The following ZNF573 variants were observed in gnomAD, a reference collection of about 807,000 sequenced individuals.
ZNF573 encodes zinc finger protein 573.
In ZNF573, 41 loss-of-function variants were observed where a neutral mutation model predicts 57.4. The ratio of observed to expected loss-of-function variants is 0.71; its 90% CI spans 0.56 to 0.93. The LOEUF (loss-of-function observed/expected upper bound fraction) is 0.93. ZNF573 is among the 40% of genes least tolerant of loss of function. The pLI is 0.00. For synonymous variants in ZNF573, 249 were observed against 261.0 expected (o/e 0.95, Z 0.44); for missense variants, 730 against 794.8 (o/e 0.92, Z 0.98).
At chr19:37,757,810 A>G (rs1222589037) in intron 4 of ZNF573, among the ~76,000 whole-genome samples, 4 of 152,160 alleles carry the variant, frequency 2.6e-5, no homozygotes, top group African/African-American at 9.7e-5. Flanking sequence ...CAACAATGAT[A>G]GACTGGATTA....
At chr19:37,755,593 A>G (rs1164172658) in intron 4 of ZNF573, among the ~76,000 whole-genome samples, 1 of 152,230 alleles carries the variant, frequency 6.6e-6, no homozygotes, top group African/African-American at 2.4e-5. Context: ...AACTAAAATT[A>G]TAACTGTGTA....
intron 4 of ZNF573, 99 bp from the exon 5 acceptor site, chr19:37,740,293 T>C: frequency 1.8e-6 from 2 of 1,127,768 alleles, no homozygotes. Context: ...AATAAGTGAA[T>C]GGCATATAGA....
At chr19:37,746,155 T>G (rs1249858178) in intron 4 of ZNF573, among the ~76,000 whole-genome samples, 1 of 152,186 alleles carries the variant, frequency 6.6e-6, no homozygotes, top group African/African-American at 2.4e-5. Context: ...TTGTAGGTAA[T>G]CAATATACTG....
intron 4 of ZNF573, among the ~76,000 whole-genome samples, chr19:37,755,022 T>G (rs889882666): frequency 6.6e-6 from 1 of 152,144 alleles, no homozygotes; most frequent in Admixed American, 6.5e-5. Context: ...CAGGCTGGAG[T>G]GCAGTGGCTC....
intron 4 of ZNF573, among the ~76,000 whole-genome samples, chr19:37,755,545 ACT>A (rs1310924071): frequency 1.3e-5 from 2 of 152,162 alleles, no homozygotes; most frequent in Non-Finnish European, 2.9e-5. Context: ...AAGTAAAATA[ACT>A]CTATTTTAAT....
At chr19:37,753,477 T>C (rs556670409) in intron 4 of ZNF573, among the ~76,000 whole-genome samples, 1 of 151,664 alleles carries the variant, frequency 6.6e-6, no homozygotes, top group African/African-American at 2.4e-5. Flanking sequence ...TCACAGTAAA[T>C]TTTTTTTTAA....
intron 4 of ZNF573, among the ~76,000 whole-genome samples, chr19:37,744,757 GAA>G (rs957486847): frequency 2.7e-5 from 3 of 112,020 alleles, no homozygotes; most frequent in East Asian, 5.1e-4. Flanking sequence ...AAAAAAAAAA[GAA>G]AAAAAAAAAG....
intron 4 of ZNF573, among the ~76,000 whole-genome samples, chr19:37,747,848 G>A (rs896594220): frequency 6.6e-6 from 1 of 151,936 alleles, no homozygotes; most frequent in Admixed American, 6.6e-5. Flanking sequence ...CACCATGCCC[G>A]GCTATTTTTT....
intron 1 of ZNF573, among the ~76,000 whole-genome samples, chr19:37,776,463 C>A (rs1255368374): frequency 2.0e-5 from 3 of 152,178 alleles, no homozygotes; most frequent in South Asian, 2.1e-4. Context: ...CTTCATCTCT[C>A]ACCTTAGAGA....
At chr19:37,757,840 T>C (rs927616060) in intron 4 of ZNF573, among the ~76,000 whole-genome samples, 2 of 151,996 alleles carry the variant, frequency 1.3e-5, no homozygotes, top group Non-Finnish European at 1.5e-5. Flanking sequence ...GGCACATATA[T>C]ACCATGGAAT....
chr19:37,764,902 CTTT>C (rs34049888), intron 4 of ZNF573, among the ~76,000 whole-genome samples: 7 of 106,512 alleles, frequency 6.6e-5, no homozygotes, highest in Admixed American at 2.2e-4. Context: ...TGTGCCCGGC[CTTT>C]TTTTTTTTTT....
chr19:37,739,388 T>C lies in ZNF573; in HGVS notation c.1102A>G (p.Thr368Ala), dbSNP rs1375187685. Reference sequence around the variant, plus strand: ...TGCCGAGTAAGATTTCTATACAAAGTAAAGGTTTTCTTACACTCCTTACAT... The same window carrying C: ...TGCCGAGTAAGATTTCTATACAAAGCAAAGGTTTTCTTACACTCCTTACAT... ...YECKECKKTFTLYRNLTRHQN... is the reference protein window; with the variant it reads ...YECKECKKTFALYRNLTRHQN... Residue 368 changes from threonine (T) to alanine (A), a missense_variant, in exon 5 of 5, where the codon ACT becomes GCT. Thr to Ala is a moderately conservative substitution (Grantham distance 58). Coordinates refer to ENST00000536220, the MANE Select transcript of ZNF573 (RefSeq NM_001172690.2). 10 of 1,613,852 alleles carry C rather than the reference T, an allele frequency of 6.2e-6. No homozygotes were observed. Among genetic ancestry groups the C allele is most frequent in the Non-Finnish European group, 8.5e-6 (10 of 1,179,984 alleles).
chr19:37,764,126 C>G (rs1419897079), intron 4 of ZNF573, among the ~76,000 whole-genome samples: 1 of 150,202 alleles, frequency 6.7e-6, no homozygotes, highest in South Asian at 2.1e-4. Context: ...TTAATTTTAT[C>G]ATCACTGGAG....
At chr19:37,772,305 G>C (rs900895658) in intron 2 of ZNF573, among the ~76,000 whole-genome samples, 6 of 151,806 alleles carry the variant, frequency 4.0e-5, no homozygotes, top group African/African-American at 1.5e-4. Context: ...GCTAATTTTT[G>C]TATTTTTTGT....
At chr19:37,759,017 T>C in intron 4 of ZNF573, 1 of 444,486 alleles carries the variant, frequency 2.2e-6, no homozygotes, top group Non-Finnish European at 3.0e-6. Flanking sequence ...ATATCTAATA[T>C]ATCAATAATA....
At chr19:37,754,647 C>CATTTCTAG (rs2045470250) in intron 4 of ZNF573, among the ~76,000 whole-genome samples, 1 of 148,502 alleles carries the variant, frequency 6.7e-6, no homozygotes, top group East Asian at 2.0e-4. Flanking sequence ...AAAAAAAATC[C>CATTTCTAG]ATTTCTAGAT....
At chr19:37,767,877 T>C (rs1269748457) in intron 4 of ZNF573, among the ~76,000 whole-genome samples, 17 of 151,976 alleles carry the variant, frequency 1.1e-4, no homozygotes. Context: ...AGACTTGAAA[T>C]TGGAGAAAAA....
At chr19:37,776,103 T>G (rs1485560610) in intron 1 of ZNF573, among the ~76,000 whole-genome samples, 1 of 151,902 alleles carries the variant, frequency 6.6e-6, no homozygotes, top group Non-Finnish European at 1.5e-5. Context: ...CAAAATACCA[T>G]CACCATTCTT....
rs376978504 is a variant in ZNF573 at position 37,739,457 on chromosome 19, A to C, written c.1033T>G (p.Phe345Val). Reference sequence around the variant, plus strand: ...TTATGAATTCTCTGATGTAGAAGAAAGTATGAGGCAGTGGTATAGCCCTTC... The same window carrying C: ...TTATGAATTCTCTGATGTAGAAGAACGTATGAGGCAGTGGTATAGCCCTTC... ...CGKGYTTASY[F>V]LLHQRIHKGG... Residue 345 changes from phenylalanine (F) to valine (V), a missense_variant, in exon 5 of 5, where the codon TTT becomes GTT. Phe to Val is a conservative substitution (Grantham distance 50, BLOSUM62 -1). Coordinates refer to ENST00000536220, the MANE Select transcript of ZNF573 (RefSeq NM_001172690.2). The C allele has an allele frequency of 7.3e-5, 118 of 1,613,804 alleles. No homozygotes were observed. Among genetic ancestry groups the C allele is most frequent in the Non-Finnish European group, 9.7e-5 (114 of 1,179,988 alleles).
Sources: gnomAD v4.1 joint callset for allele counts (sites outside exome capture counted in the v4.1 genomes callset) on GRCh38, gnomAD v4.1.1 for gene constraint, MANE v1.5 for transcripts, NCBI Gene and HGNC (gene_info 2026-07-23, HGNC 2026-07-21) for gene names.